UHRF2: variants seen among roughly 807,000 people sequenced by gnomAD.
UHRF2 encodes ubiquitin like with PHD and ring finger domains 2.
In UHRF2, 23 loss-of-function variants were observed where a neutral mutation model predicts 96.8. The observed-to-expected ratio is 0.24, with a 90% CI of 0.17 to 0.34. UHRF2 has a LOEUF of 0.34. UHRF2 is among the 10% of genes least tolerant of loss of function. UHRF2 has a pLI of 1.00. For missense variants in UHRF2, 685 were observed against 981.5 expected, an observed-to-expected ratio of 0.70 and a Z score of 4.04; for synonymous variants, 385 against 332.6, an observed-to-expected ratio of 1.16 and a Z score of -1.72.
chr9:6,432,165 A>T (rs1023950373), intron 2 of UHRF2, among the ~76,000 whole-genome samples: 4 of 152,170 alleles, frequency 2.6e-5, no homozygotes, highest in African/African-American at 9.7e-5. Flanking sequence ...CCTACCCAGC[A>T]TGGTTGGCTC....
intron 4 of UHRF2, among the ~76,000 whole-genome samples, chr9:6,463,145 G>C (rs150731108): frequency 6.6e-6 from 1 of 152,218 alleles, no homozygotes; most frequent in East Asian, 1.9e-4. Flanking sequence ...GCTGGGTGCG[G>C]TGTTGCATGC....
chr9:6,502,335 C>T (rs746235082), intron 14 of UHRF2, among the ~76,000 whole-genome samples: 18 of 152,160 alleles, frequency 1.2e-4, no homozygotes, highest in Admixed American at 3.3e-4. Flanking sequence ...CATACTGTTA[C>T]TCTGACTGGA....
intron 9 of UHRF2, among the ~76,000 whole-genome samples, chr9:6,487,418 G>A (rs529819533): frequency 2.0e-5 from 3 of 152,058 alleles, no homozygotes; most frequent in South Asian, 2.1e-4. Flanking sequence ...CTAGACTGGA[G>A]TTCAGTGGCT....
Position 6,475,431 on chromosome 9 carries a change from G to A in UHRF2, c.904G>A (p.Val302Ile). ...GTLNDCKIISVDEIFKIERPG... is the reference protein window; with the variant it reads ...GTLNDCKIISIDEIFKIERPG... Reference sequence around the variant, plus strand: ...ATTAAATGACTGCAAGATAATATCTGTAGATGAAATCTTCAAGATTGAGAG... The same window carrying A: ...ATTAAATGACTGCAAGATAATATCTATAGATGAAATCTTCAAGATTGAGAG... The change falls in exon 5 of 16, where the codon GTA (valine) becomes ATA (isoleucine). Residue 302 changes from valine to isoleucine, a missense_variant. Physicochemically the swap from Val to Ile is conservative, Grantham distance 29 (BLOSUM62 3). Around this residue, in one of 6 missense-constraint regions of UHRF2, gnomAD observed 391 missense variants for 437.0 expected, o/e 0.89. Coordinates refer to ENST00000276893, the MANE Select transcript of UHRF2 (RefSeq NM_152896.3). 1 of 1,587,218 alleles carries A rather than the reference G, an allele frequency of 6.3e-7. No homozygotes were observed. Among genetic ancestry groups the A allele is most frequent in the South Asian group, 1.2e-5 (1 of 85,688 alleles).
intron 4 of UHRF2, chr9:6,468,844 T>TTA (rs1020155725): frequency 2.7e-6 from 1 of 367,406 alleles, no homozygotes; most frequent in African/African-American, 2.1e-5. Flanking sequence ...TAAATCTTAC[T>TTA]TAAAGACTGT....
At chr9:6,489,808 G>GA (rs1824551418) in intron 9 of UHRF2, among the ~76,000 whole-genome samples, 2 of 148,968 alleles carry the variant, frequency 1.3e-5, no homozygotes, top group Non-Finnish European at 3.0e-5. Context: ...TTACAAAGAT[G>GA]AATCAATATG....
intron 3 of UHRF2, among the ~76,000 whole-genome samples, chr9:6,441,051 T>C (rs963613737): frequency 2.0e-5 from 3 of 152,198 alleles, no homozygotes; most frequent in Admixed American, 1.3e-4. Context: ...AAAATAATGG[T>C]CCTTGGCCAG....
chr9:6,492,955 T>C (rs1284878166), intron 9 of UHRF2: 1 of 151,686 alleles, frequency 6.6e-6, no homozygotes, highest in African/African-American at 2.4e-5. Flanking sequence ...GTGATATGGG[T>C]GAACCCACAG....
At position 6,498,134 on chromosome 9, in the gene UHRF2, A is replaced by C; in HGVS notation, c.1884A>C (p.Ser628=). 1 of 1,613,850 alleles carries C rather than the reference A, an allele frequency of 6.2e-7. No individual in the cohort carries two copies. Among genetic ancestry groups the C allele is most frequent in the Non-Finnish European group, 8.5e-7 (1 of 1,179,900 alleles). ...GGACCTCTGAAGGAATAGAACGGTC[A>C]AGGAGATTATGTCTACGTTTACAGG... ...APWTSEGIER[S]RRLCLRLQYP... Residue 628 remains serine, a synonymous_variant, in exon 12 of 16, where the codon TCA becomes TCC. Coordinates refer to ENST00000276893, the MANE Select transcript of UHRF2 (RefSeq NM_152896.3).
At chr9:6,498,779 C>T (rs946922765) in intron 12 of UHRF2, 3 of 152,346 alleles carry the variant, frequency 2.0e-5, no homozygotes, top group African/African-American at 7.2e-5. Flanking sequence ...CTGACACTGA[C>T]TTCAGAGCAT....
At chr9:6,429,210 CAG>C in intron 2 of UHRF2, among the ~76,000 whole-genome samples, 1 of 151,724 alleles carries the variant, frequency 6.6e-6, no homozygotes, top group East Asian at 1.9e-4. Flanking sequence ...GAACAATTTT[CAG>C]AGTTGGAGAA....
intron 7 of UHRF2, 104 bp downstream of exon 7, chr9:6,481,870 T>G (rs1213665016): frequency 2.0e-6 from 3 of 1,531,600 alleles, no homozygotes; most frequent in Non-Finnish European, 2.6e-6. Context: ...TATCATTATT[T>G]GTTAATATCA....
intron 14 of UHRF2, 95 bp from the exon 15 acceptor site, chr9:6,504,498 C>A: frequency 1.4e-6 from 1 of 698,684 alleles, no homozygotes; most frequent in Non-Finnish European, 2.4e-6. Context: ...TTGAATTATT[C>A]TCTACTAGCT....
At chr9:6,472,916 C>G (rs1390101669) in intron 4 of UHRF2, among the ~76,000 whole-genome samples, 1 of 152,008 alleles carries the variant, frequency 6.6e-6, no homozygotes, top group African/African-American at 2.4e-5. Flanking sequence ...TCCTTTAGCC[C>G]TGAATTTGAA....
intron 2 of UHRF2, among the ~76,000 whole-genome samples, chr9:6,425,690 G>T (rs766584258): frequency 1.3e-5 from 2 of 152,120 alleles, no homozygotes; most frequent in Non-Finnish European, 2.9e-5. Flanking sequence ...TTGAACCCAG[G>T]AAGCAGAGGT....
chr9:6,450,053 G>A (rs1189352885), intron 3 of UHRF2, among the ~76,000 whole-genome samples: 1 of 152,182 alleles, frequency 6.6e-6, no homozygotes, highest in East Asian at 1.9e-4. Flanking sequence ...GCTATAATGT[G>A]TAGAGGAGTC....
intron 4 of UHRF2, among the ~76,000 whole-genome samples, chr9:6,463,842 G>A (rs1051502358): frequency 8.5e-5 from 13 of 152,076 alleles, no homozygotes; most frequent in Non-Finnish European, 1.9e-4. Flanking sequence ...ATAACAGGTT[G>A]AAAGAACAAA....
chr9:6,487,699 G>A (rs989515958), intron 9 of UHRF2, among the ~76,000 whole-genome samples: 9 of 152,024 alleles, frequency 5.9e-5, no homozygotes, highest in East Asian at 3.9e-4. Context: ...CTGGGGTTTC[G>A]CCATGTTGGC....
intron 10 of UHRF2, 101 bp from the exon 11 acceptor site, chr9:6,497,097 C>A: frequency 2.0e-6 from 2 of 988,442 alleles, no homozygotes; most frequent in Non-Finnish European, 2.9e-6. Context: ...AGAATCTTAA[C>A]CATCAGGTAA....
Sources: allele counts gnomAD v4.1 joint callset (sites outside exome capture counted in the v4.1 genomes callset), GRCh38; gene constraint gnomAD v4.1.1; regional missense constraint gnomAD v4.1.1; transcripts MANE v1.5; gene names NCBI Gene and HGNC (gene_info 2026-07-23, HGNC 2026-07-21).